The following GRIK3 variants were observed in gnomAD, a reference collection of about 807,000 sequenced individuals.
GRIK3 encodes glutamate ionotropic receptor kainate type subunit 3.
A neutral mutation model predicts 102.5 loss-of-function variants in GRIK3; 29 were observed. The ratio of observed to expected loss-of-function variants is 0.28; its 90% CI spans 0.21 to 0.39. The LOEUF (loss-of-function observed/expected upper bound fraction) is 0.39. Ranked by LOEUF, GRIK3 falls within the 10% of genes least tolerant of loss-of-function variation. GRIK3 has a pLI of 1.00. For missense variants in GRIK3, 908 were observed against 1,252.4 expected, an observed-to-expected ratio of 0.73 and a Z score of 4.15; for synonymous variants, 511 against 504.9, an observed-to-expected ratio of 1.01 and a Z score of -0.16.
At chr1:36,920,070 G>T (rs1200185790) in intron 1 of GRIK3, among the ~76,000 whole-genome samples, 1 of 152,206 alleles carries the variant, frequency 6.6e-6, no homozygotes, top group African/African-American at 2.4e-5. Context: ...AGAAGAAATG[G>T]CATGGAATTA....
intron 15 of GRIK3, among the ~76,000 whole-genome samples, chr1:36,802,752 A>C (rs1465292562): frequency 2.0e-5 from 3 of 152,130 alleles, no homozygotes; most frequent in Non-Finnish European, 2.9e-5. Flanking sequence ...GGGGATGCTG[A>C]TATCTCAACT....
chr1:36,859,775 G>A (rs994304729), intron 6 of GRIK3, 69 bp downstream of exon 6: 3 of 1,215,270 alleles, frequency 2.5e-6, no homozygotes, highest in Non-Finnish European at 2.4e-6. Context: ...AGAAACAAGA[G>A]GAAGGAGAGA....
At chr1:37,013,381 C>T (rs1472030187) in intron 1 of GRIK3, among the ~76,000 whole-genome samples, 2 of 152,264 alleles carry the variant, frequency 1.3e-5, no homozygotes, top group African/African-American at 4.8e-5. Context: ...GACAGCCCGG[C>T]ATCTTGTCCT....
chr1:36,841,329 T>A lies in GRIK3; in HGVS notation c.1530+407A>T, dbSNP rs555608276. Among the ~76,000 whole-genome samples, 20 of 152,334 alleles carry A rather than the reference T, an allele frequency of 1.3e-4. No homozygotes were observed. In the South Asian group the frequency reaches 3.5e-3, roughly 27 times the overall value. On this transcript the variant is annotated intron_variant, in intron 10 of 15. Coordinates refer to ENST00000373091, the MANE Select transcript of GRIK3 (RefSeq NM_000831.4). ...CTCAATGCAGTGACGGGTTTCTCTC[T>A]GTGTCCAAGAATTTGGTGAAGTGTC... is the stretch of plus-strand genomic sequence containing the variant.
chr1:36,888,501 T>C (rs867512874), intron 2 of GRIK3, among the ~76,000 whole-genome samples: 2 of 152,282 alleles, frequency 1.3e-5, no homozygotes, highest in South Asian at 4.1e-4. Context: ...TATAAACTCA[T>C]GCTCCTTGAC....
intron 11 of GRIK3, among the ~76,000 whole-genome samples, chr1:36,823,730 C>A (rs1483722005): frequency 6.6e-6 from 1 of 152,134 alleles, no homozygotes; most frequent in Non-Finnish European, 1.5e-5. Flanking sequence ...TTGGCCCTGG[C>A]AGGTACTTGC....
At chr1:36,894,657 T>C (rs544722818) in intron 1 of GRIK3, among the ~76,000 whole-genome samples, 2 of 152,322 alleles carry the variant, frequency 1.3e-5, no homozygotes, top group East Asian at 1.9e-4. Context: ...GAAACCTCCA[T>C]GGGAATCGGT....
chr1:36,817,947 C>T (rs1005051798), intron 12 of GRIK3, among the ~76,000 whole-genome samples: 2 of 152,162 alleles, frequency 1.3e-5, no homozygotes, highest in Non-Finnish European at 2.9e-5. Flanking sequence ...AAGCTCTTTG[C>T]CGAAATATAT....
At chr1:36,869,270 T>A (rs1258733022) in intron 5 of GRIK3, among the ~76,000 whole-genome samples, 1 of 152,030 alleles carries the variant, frequency 6.6e-6, no homozygotes, top group Non-Finnish European at 1.5e-5. Context: ...GTGGACAGAA[T>A]CCAAAGCGAC....
At chr1:36,877,425 C>A (rs2124259387) in intron 3 of GRIK3, among the ~76,000 whole-genome samples, 1 of 152,328 alleles carries the variant, frequency 6.6e-6, no homozygotes, top group South Asian at 2.1e-4. Context: ...AGTCTCCTTG[C>A]TCTAGGCTCT....
rs143358361 is a variant in GRIK3 at position 36,872,226 on chromosome 1, C to T, written c.694G>A (p.Asp232Asn). ...TGGGCCGCCATAGTGTGGCTGCAGT[C>T]GAAGATAATGCGGAATTCCCGGCCT... ...KRGREFRIIFDCSHTMAAQIL... is the reference protein window; with the variant it reads ...KRGREFRIIFNCSHTMAAQIL... Residue 232 changes from aspartate (D) to asparagine (N), a missense_variant, in exon 4 of 16, where the codon GAC becomes AAC. Physicochemically the swap from Asp to Asn is conservative, Grantham distance 23. Transcript: ENST00000373091. This position sits in a 1 kb window ranked among gnomAD's most constrained non-coding sequence, Gnocchi z 5.9. 3 of 1,610,600 alleles carry T rather than the reference C, an allele frequency of 1.9e-6. No homozygotes were observed. Among genetic ancestry groups the T allele is most frequent in the South Asian group, 1.1e-5 (1 of 90,352 alleles).
At chr1:36,996,970 A>G (rs1187008236) in intron 1 of GRIK3, among the ~76,000 whole-genome samples, 2 of 152,290 alleles carry the variant, frequency 1.3e-5, no homozygotes, top group East Asian at 1.9e-4. Context: ...AGCATTCTAC[A>G]ATGCACAAGA....
intron 10 of GRIK3, among the ~76,000 whole-genome samples, chr1:36,827,907 G>C (rs1642771648): frequency 6.6e-6 from 1 of 152,092 alleles, no homozygotes; most frequent in Non-Finnish European, 1.5e-5. Context: ...TCAGAACCTG[G>C]GAAAGATAGG....
chr1:36,977,996 G>T (rs1209046426), intron 1 of GRIK3, among the ~76,000 whole-genome samples: 1 of 152,352 alleles, frequency 6.6e-6, no homozygotes, highest in South Asian at 2.1e-4. Flanking sequence ...CACTGTGTCC[G>T]CTGATTATGG....
In GRIK3 at chr1:36,859,117, G is replaced by A. The variant is rs757918736; in HGVS notation, c.1095C>T (p.Phe365=). The part of the protein sequence containing the change: ...AWRFGGRFMN[F]IKEAQWEGLT... ...GCTGTGGGGCACTCACCTCCTTGATGAAGTTCATGAAGCGGCCGCCAAAGC... is the reference window on the plus strand; with the variant it reads ...GCTGTGGGGCACTCACCTCCTTGATAAAGTTCATGAAGCGGCCGCCAAAGC... Residue 365 remains phenylalanine, a synonymous_variant, in exon 7 of 16, where the codon TTC becomes TTT. Coordinates refer to ENST00000373091, the MANE Select transcript of GRIK3 (RefSeq NM_000831.4). 6.2e-7 allele frequency: 1 copy of A among 1,608,766 alleles called. No homozygotes were observed. Among genetic ancestry groups the A allele is most frequent in the South Asian group, 1.1e-5 (1 of 90,700 alleles).
rs1642504414 is a variant in GRIK3 at position 36,806,547 on chromosome 1, C to T, written c.2092-221G>A. Reference sequence around the variant, plus strand: ...GATAAAACGGAAATGTAGACTCAGGCCTGCTTCCTGGAAACCCTGGCCATG... The same window carrying T: ...GATAAAACGGAAATGTAGACTCAGGTCTGCTTCCTGGAAACCCTGGCCATG... On this transcript the variant is annotated intron_variant, in intron 13 of 15. Coordinates refer to ENST00000373091, the MANE Select transcript of GRIK3 (RefSeq NM_000831.4). The surrounding 1 kb of genome is among the most constrained non-coding windows in gnomAD (Gnocchi z 4.0). 6.6e-6 allele frequency among the ~76,000 whole-genome samples: 1 copy of T among 152,164 alleles called. No homozygotes were observed. Among genetic ancestry groups the T allele is most frequent in the African/African-American group, 2.4e-5 (1 of 41,430 alleles).
chr1:36,980,660 G>T (rs987848878), intron 1 of GRIK3, among the ~76,000 whole-genome samples: 2 of 151,890 alleles, frequency 1.3e-5, no homozygotes, highest in Admixed American at 6.6e-5. Context: ...CCAGGGTCCC[G>T]CAAGGTCTGG....
intron 1 of GRIK3, among the ~76,000 whole-genome samples, chr1:36,907,327 C>T (rs1445857238): frequency 1.3e-5 from 2 of 152,010 alleles, no homozygotes; most frequent in African/African-American, 4.8e-5. Flanking sequence ...TGAAGTGGAC[C>T]CCAAAGGACA....
intron 1 of GRIK3, among the ~76,000 whole-genome samples, chr1:36,947,780 G>T (rs1395071084): frequency 5.3e-5 from 8 of 152,062 alleles, no homozygotes; most frequent in Admixed American, 5.2e-4. Context: ...TTTATCCAGA[G>T]CTGTAGCATC....
Sources: allele counts gnomAD v4.1 joint callset (sites outside exome capture counted in the v4.1 genomes callset), GRCh38; gene constraint gnomAD v4.1.1; non-coding constraint Gnocchi (gnomAD v3.1); transcripts MANE v1.5; gene names NCBI Gene and HGNC (gene_info 2026-07-23, HGNC 2026-07-21).